The following GRAP2 variants were observed in gnomAD, a reference collection of about 807,000 sequenced individuals.
GRAP2 encodes the protein GRB2-related adapter protein 2.
In GRAP2, 31 loss-of-function variants were observed where a neutral mutation model predicts 43.5. The observed-to-expected ratio is 0.71, with a 90% CI of 0.54 to 0.96. The LOEUF is 0.96. Ranked by LOEUF, GRAP2 falls within the 40% of genes least tolerant of loss-of-function variation. The probability of loss-of-function intolerance (pLI) is 0.00; values close to 1 mark genes in which losing one functional copy is unlikely to be tolerated. For synonymous variants in GRAP2, 156 were observed against 164.8 expected (o/e 0.95, Z 0.41); for missense variants, 371 against 424.4 (o/e 0.87, Z 1.11).
intron 1 of GRAP2, among the ~76,000 whole-genome samples, chr22:39,928,969 T>C (rs1262923558): frequency 6.6e-6 from 1 of 152,214 alleles, no homozygotes; most frequent in Non-Finnish European, 1.5e-5. Context: ...AGGTGGCATT[T>C]GGTGTGGTAT....
intron 1 of GRAP2, among the ~76,000 whole-genome samples, chr22:39,901,982 G>A (rs2066496430): frequency 1.3e-5 from 2 of 152,288 alleles, no homozygotes; most frequent in Admixed American, 1.3e-4. Context: ...CGTGAGGATT[G>A]AACATACCAA....
At chr22:39,925,566 C>T (rs2066689756) in intron 1 of GRAP2, among the ~76,000 whole-genome samples, 1 of 152,172 alleles carries the variant, frequency 6.6e-6, no homozygotes, top group Non-Finnish European at 1.5e-5. Context: ...CTAACTCTTG[C>T]TCATCTCCCT....
At chr22:39,931,239 A>G (rs1012691097) in intron 1 of GRAP2, among the ~76,000 whole-genome samples, 1 of 152,246 alleles carries the variant, frequency 6.6e-6, no homozygotes, top group Non-Finnish European at 1.5e-5. Context: ...TAAGCAGCAG[A>G]AAATCTGAAA....
chr22:39,959,652 A>C (rs1424235383), intron 3 of GRAP2, among the ~76,000 whole-genome samples: 2 of 152,092 alleles, frequency 1.3e-5, no homozygotes, highest in Non-Finnish European at 2.9e-5. Flanking sequence ...GGTTGGCTCC[A>C]GTGCCTGAAG....
chr22:39,952,572 C>T (rs896728692), intron 2 of GRAP2, among the ~76,000 whole-genome samples: 2 of 152,108 alleles, frequency 1.3e-5, no homozygotes, highest in Non-Finnish European at 1.5e-5. Context: ...CTCCCTTGCC[C>T]CCTCAGCACA....
At chr22:39,906,433 C>T (rs1339576231) in intron 1 of GRAP2, among the ~76,000 whole-genome samples, 1 of 152,146 alleles carries the variant, frequency 6.6e-6, no homozygotes, top group Admixed American at 6.5e-5. Context: ...GGTCCATGCT[C>T]CTTCATTAGC....
intron 1 of GRAP2, among the ~76,000 whole-genome samples, chr22:39,924,658 T>C (rs958392535): frequency 6.6e-6 from 1 of 151,684 alleles, no homozygotes; most frequent in African/African-American, 2.4e-5. Context: ...GCCAAGATTA[T>C]ACCACTACAC....
chr22:39,970,765 GT>G (rs1210194640), intron 7 of GRAP2, 139 bp from the exon 8 acceptor site: 21 of 733,698 alleles, frequency 2.9e-5, no homozygotes, highest in East Asian at 6.1e-5. Context: ...TACAAAAAAA[GT>G]TTTTTTAAGC....
chr22:39,937,862 GA>G (rs1469718218), intron 1 of GRAP2, among the ~76,000 whole-genome samples: 1 of 151,862 alleles, frequency 6.6e-6, no homozygotes, highest in Non-Finnish European at 1.5e-5. Context: ...GCAAATTAGG[GA>G]AAAAAGAATC....
intron 1 of GRAP2, among the ~76,000 whole-genome samples, chr22:39,940,037 T>G (rs2066850089): frequency 6.6e-6 from 1 of 152,140 alleles, no homozygotes; most frequent in Non-Finnish European, 1.5e-5. Flanking sequence ...CTGCCATGAT[T>G]CCAACTCCCA....
At chr22:39,938,373 C>T (rs560920742) in intron 1 of GRAP2, among the ~76,000 whole-genome samples, 13 of 152,308 alleles carry the variant, frequency 8.5e-5, no homozygotes, top group South Asian at 2.1e-4. Context: ...TGTGTCCATA[C>T]GTCTGAAAAA....
At chr22:39,918,698 G>T (rs931236725) in intron 1 of GRAP2, among the ~76,000 whole-genome samples, 2 of 152,112 alleles carry the variant, frequency 1.3e-5, no homozygotes, top group African/African-American at 4.8e-5. Context: ...GAAGTGAAGC[G>T]AACACTTTGG....
rs192668344 is a variant in GRAP2, at chr22:39,950,020, T to C, written c.78+2836T>C. On this transcript the variant is annotated intron_variant, in intron 2 of 7. Coordinates refer to ENST00000344138, the MANE Select transcript of GRAP2 (RefSeq NM_004810.4). The stretch of plus-strand genomic sequence containing the variant: ...CATCTGGCCCCAAACCACTGTCCAG[T>C]GTCATTATGCACATGTACACATGTG... Among the ~76,000 whole-genome samples the C allele has an allele frequency of 8.5e-5, 13 of 152,282 alleles. No homozygotes were observed. In the East Asian group the frequency reaches 1.2e-3, roughly 14 times the overall value.
chr22:39,897,821 A>G (rs891106256), upstream of GRAP2, among the ~76,000 whole-genome samples: 1 of 152,210 alleles, frequency 6.6e-6, no homozygotes, highest in East Asian at 1.9e-4. Flanking sequence ...TGCCTGGCCA[A>G]CAGTAGGCTC....
chr22:39,957,931 G>A (rs1228293765), intron 3 of GRAP2, among the ~76,000 whole-genome samples: 1 of 151,596 alleles, frequency 6.6e-6, no homozygotes, highest in East Asian at 1.9e-4. Context: ...GAGAGACTCT[G>A]TTTCAAAGAA....
At chr22:39,949,977 A>G (rs1480761035) in intron 2 of GRAP2, among the ~76,000 whole-genome samples, 5 of 152,174 alleles carry the variant, frequency 3.3e-5, no homozygotes, top group African/African-American at 9.7e-5. Flanking sequence ...CCAATTACCA[A>G]TTGATTGAGA....
chr22:39,957,095 A>AG (rs1317038827), intron 3 of GRAP2, among the ~76,000 whole-genome samples: 26 of 152,340 alleles, frequency 1.7e-4, no homozygotes, highest in Non-Finnish European at 2.4e-4. Context: ...ATTGACCACA[A>AG]GGGTTAGATA....
At chr22:39,946,193 T>C (rs1337344786) in intron 1 of GRAP2, among the ~76,000 whole-genome samples, 1 of 152,224 alleles carries the variant, frequency 6.6e-6, no homozygotes, top group Admixed American at 6.5e-5. Context: ...CTTGCAACTT[T>C]ATTAATTGAA....
chr22:39,897,435 A>G (rs913491821), upstream of GRAP2, among the ~76,000 whole-genome samples: 45 of 152,156 alleles, frequency 3.0e-4, no homozygotes, highest in African/African-American at 1.0e-3. Flanking sequence ...CTGTATATTC[A>G]AAATCCAACC....
Sources: allele counts gnomAD v4.1 joint callset (sites outside exome capture counted in the v4.1 genomes callset), GRCh38; gene constraint gnomAD v4.1.1; transcripts MANE v1.5; gene names NCBI Gene and HGNC (gene_info 2026-07-23, HGNC 2026-07-21).